The following GPM6B variants were observed in gnomAD, a reference collection of about 807,000 sequenced individuals.
GPM6B encodes the protein glycoprotein M6B, also known as neuronal membrane glycoprotein M6-b.
In GPM6B, 4 loss-of-function variants were observed where a neutral mutation model predicts 27.2. That is an observed-to-expected ratio of 0.15 (90% CI 0.07 to 0.34). GPM6B has a LOEUF of 0.34. Among genes scored for constraint, GPM6B ranks in the 10% least tolerant of loss-of-function variants. The probability of loss-of-function intolerance (pLI) is 1.00; values close to 1 mark genes in which losing one functional copy is unlikely to be tolerated. For missense variants in GPM6B, 183 were observed against 261.9 expected, an observed-to-expected ratio of 0.70 and a Z score of 2.08; for synonymous variants, 124 against 103.1, an observed-to-expected ratio of 1.20 and a Z score of -1.23.
chrX:13,842,741 AT>A (rs2049593750), intron 1 of GPM6B, among the ~76,000 whole-genome samples: 1 of 111,129 alleles, frequency 9.0e-6, no homozygotes. Flanking sequence ...AAGAAAAAAA[AT>A]TTTTTAAAAG....
intron 1 of GPM6B, among the ~76,000 whole-genome samples, chrX:13,896,605 G>A (rs1049021376): frequency 5.5e-5 from 6 of 109,859 alleles, no homozygotes; most frequent in Non-Finnish European, 7.6e-5. Context: ...TTGCTCTGTC[G>A]CCCAGGCTGG....
chrX:13,830,579 T>C (rs938253901), intron 1 of GPM6B, among the ~76,000 whole-genome samples: 10 of 112,341 alleles, frequency 8.9e-5, no homozygotes, highest in African/African-American at 3.2e-4. Context: ...TCCACTGTTC[T>C]AGTTCGTATA....
chrX:13,887,709 G>A (rs1196351156), intron 1 of GPM6B, among the ~76,000 whole-genome samples: 1 of 111,775 alleles, frequency 8.9e-6, no homozygotes, highest in African/African-American at 3.3e-5. Flanking sequence ...TGGTTTTTAA[G>A]GAAATTAGAC....
At chrX:13,866,855 G>A (rs2049925825) in intron 1 of GPM6B, among the ~76,000 whole-genome samples, 1 of 111,432 alleles carries the variant, frequency 9.0e-6, no homozygotes, top group African/African-American at 3.3e-5. Flanking sequence ...CCTGTAATAC[G>A]AATGGAGTCA....
chrX:13,821,736 A>G (rs1209515247), upstream of GPM6B, among the ~76,000 whole-genome samples: 1 of 111,203 alleles, frequency 9.0e-6, no homozygotes, highest in Non-Finnish European at 1.9e-5. Context: ...AGCTGGGATT[A>G]CAGGCATGCA....
intron 1 of GPM6B, among the ~76,000 whole-genome samples, chrX:13,814,925 G>T (rs187850881): frequency 8.9e-6 from 1 of 112,197 alleles, no homozygotes; most frequent in East Asian, 2.8e-4. Flanking sequence ...AGCAGCTAGT[G>T]TTTATACATT....
Position 13,877,931 on chromosome X carries a change from T to C in GPM6B, c.-198+60396A>G, listed in dbSNP as rs1208038757. Reference sequence around the variant, plus strand: ...TCACAACTAAATATCTCAGTAAGTATCTTGAAAAAATAAGCATTTTCTTAC... The same window carrying C: ...TCACAACTAAATATCTCAGTAAGTACCTTGAAAAAATAAGCATTTTCTTAC... On this transcript the variant is annotated intron_variant, in intron 1 of 6. Coordinates refer to the GPM6B transcript ENST00000398361. Among the ~76,000 whole-genome samples, 6 of 108,316 alleles carry C rather than the reference T, an allele frequency of 5.5e-5. No individual in the cohort carries two copies. In the Admixed American group the frequency reaches 6.0e-4, roughly 11 times the overall value. 94.1% of individuals were successfully genotyped at this position (108,316 alleles called of 115,157 possible). A position where few individuals can be genotyped will look rare whatever the true frequency, so the allele number is the denominator to read the frequency against.
intron 1 of GPM6B, among the ~76,000 whole-genome samples, chrX:13,846,389 G>C (rs979846871): frequency 6.2e-5 from 7 of 112,052 alleles, no homozygotes; most frequent in Non-Finnish European, 1.3e-4. Flanking sequence ...TATACCCACT[G>C]TGGGCTCATA....
chrX:13,877,697 A>G (rs1404905662), intron 1 of GPM6B, among the ~76,000 whole-genome samples: 1 of 106,300 alleles, frequency 9.4e-6, no homozygotes, highest in Non-Finnish European at 1.9e-5. Context: ...ATGGTGGTAC[A>G]TTTCTGTAGT....
intron 7 of GPM6B, chrX:13,774,234 G>T (rs1420802543): frequency 2.5e-6 from 2 of 785,989 alleles, no homozygotes; most frequent in Non-Finnish European, 1.5e-6. Flanking sequence ...GTATTCCAAA[G>T]TGTTAATAAT....
intron 1 of GPM6B, among the ~76,000 whole-genome samples, chrX:13,832,986 G>T (rs986149496): frequency 8.9e-6 from 1 of 112,034 alleles, no homozygotes; most frequent in Non-Finnish European, 1.9e-5. Flanking sequence ...CTGAGGAACA[G>T]TTGGGCTTGG....
chrX:13,826,561 C>CAT (rs781047245), intron 1 of GPM6B, among the ~76,000 whole-genome samples: 10,798 of 44,149 alleles, frequency 0.24, 647 homozygotes, highest in African/African-American at 0.36. Flanking sequence ...TACATACATA[C>CAT]ACACATACAT....
chrX:13,800,929 C>T (rs1047439348), intron 2 of GPM6B, among the ~76,000 whole-genome samples: 1 of 109,653 alleles, frequency 9.1e-6, no homozygotes, highest in Non-Finnish European at 1.9e-5. Flanking sequence ...CCTGCCTTAG[C>T]CTCCCAAGTA....
chrX:13,825,730 G>A (rs1452954550), intron 1 of GPM6B, among the ~76,000 whole-genome samples: 2 of 112,561 alleles, frequency 1.8e-5, no homozygotes, highest in East Asian at 5.6e-4. Context: ...AAATTTGGTG[G>A]TGAGGGGAAG....
chrX:13,808,669 G>A (rs754376300), intron 1 of GPM6B, among the ~76,000 whole-genome samples: 1 of 110,558 alleles, frequency 9.0e-6, no homozygotes, highest in Non-Finnish European at 1.9e-5. Flanking sequence ...AAATATTTAA[G>A]GATTAAAAAA....
chrX:13,901,699 C>T (rs2050284004), intron 1 of GPM6B, among the ~76,000 whole-genome samples: 1 of 111,067 alleles, frequency 9.0e-6, no homozygotes, highest in South Asian at 3.9e-4. Context: ...CACACTTGTA[C>T]CTGAAGGATG....
At chrX:13,795,567 A>AC (rs2048794536) in intron 2 of GPM6B, among the ~76,000 whole-genome samples, 1 of 111,685 alleles carries the variant, frequency 9.0e-6, no homozygotes, top group Non-Finnish European at 1.9e-5. Flanking sequence ...CCAGATATTA[A>AC]AGAGATTTGC....
At chrX:13,823,408 T>A (rs749446921) in intron 1 of GPM6B, among the ~76,000 whole-genome samples, 1 of 112,234 alleles carries the variant, frequency 8.9e-6, no homozygotes, top group South Asian at 3.7e-4. Context: ...ACTGTCAGTG[T>A]CCTCATTAGG....
intron 1 of GPM6B, among the ~76,000 whole-genome samples, chrX:13,898,782 G>C (rs1031763945): frequency 9.0e-6 from 1 of 111,355 alleles, no homozygotes; most frequent in Non-Finnish European, 1.9e-5. Context: ...CTGAGGCCTC[G>C]CTTTCTCACA....
Sources: gnomAD v4.1 joint callset for allele counts (sites outside exome capture counted in the v4.1 genomes callset) on GRCh38, gnomAD v4.1.1 for gene constraint, MANE v1.5 for transcripts, NCBI Gene and HGNC (gene_info 2026-07-23, HGNC 2026-07-21) for gene names.